Variants in ONECUT2 observed in about 807,000 individuals in gnomAD.
The protein encoded by ONECUT2 is one cut domain family member 2.
A neutral mutation model predicts 27.9 loss-of-function variants in ONECUT2; 10 were observed. The ratio of observed to expected loss-of-function variants is 0.36; its 90% CI spans 0.22 to 0.61. ONECUT2 has a LOEUF of 0.61. ONECUT2 is among the 20% of genes least tolerant of loss of function. The pLI, the probability that ONECUT2 is intolerant of heterozygous loss-of-function variation, is 0.73. For missense variants in ONECUT2, 686 were observed against 721.0 expected (o/e 0.95, Z 0.56); for synonymous variants, 334 against 315.1 (o/e 1.06, Z -0.64).
At chr18:57,474,094 G>GA (rs1352564194) in intron 1 of ONECUT2, among the ~76,000 whole-genome samples, 1 of 152,128 alleles carries the variant, frequency 6.6e-6, no homozygotes, top group Non-Finnish European at 1.5e-5. Context: ...TAATTTTGAA[G>GA]ACAATATGAA....
Position 57,435,681 on chromosome 18 carries a change from C to T in ONECUT2, c.-36C>T, listed in dbSNP as rs768705645. On this transcript the variant is annotated 5_prime_UTR_variant, in exon 1 of 2. Coordinates refer to ENST00000491143, the MANE Select transcript of ONECUT2 (RefSeq NM_004852.3). ...GCCTTGCCCGCCCGCCGGCCGCCCCCGCCGCCCCCGCCGCCCCCGGGCCCT... is the reference window on the plus strand; with the variant it reads ...GCCTTGCCCGCCCGCCGGCCGCCCCTGCCGCCCCCGCCGCCCCCGGGCCCT... 3 of 1,022,928 alleles carry T rather than the reference C, an allele frequency of 2.9e-6. No homozygotes were observed. Among genetic ancestry groups the T allele is most frequent in the Non-Finnish European group, 3.6e-6 (3 of 838,398 alleles). The allele number at this position is 1,022,928 out of a possible 1,614,324, so 63.4% of individuals were successfully genotyped here.
chr18:57,476,316 G>A (rs2050381368), intron 1 of ONECUT2, 121 bp from the exon 2 acceptor site: 6 of 992,238 alleles, frequency 6.0e-6, no homozygotes, highest in Non-Finnish European at 8.8e-6. Flanking sequence ...TGACAGCTGG[G>A]CAGTTTGCAC....
chr18:57,443,154 A>C (rs55949795), intron 1 of ONECUT2, among the ~76,000 whole-genome samples: 2 of 152,252 alleles, frequency 1.3e-5, no homozygotes, highest in South Asian at 2.1e-4. Flanking sequence ...GGTATCATGG[A>C]GGGGGATCCC....
intron 1 of ONECUT2, among the ~76,000 whole-genome samples, chr18:57,456,855 A>G (rs34880950): frequency 0.044 from 6,746 of 152,304 alleles, 580 homozygotes; most frequent in East Asian, 0.36. Flanking sequence ...ATGTACCTGC[A>G]GTCCCAGCTA....
Position 57,476,419 on chromosome 18 carries a change from CTTCTCT to C in ONECUT2, c.1229-14_1229-9del. On this transcript the variant is annotated splice_polypyrimidine_tract_variant and intron_variant, in intron 1 of 1. Transcript: ENST00000491143. ...GGTGAGCCCACTGACTCCTCTCCTT[CTTCTCT>C]TTCCCTTCAAGCGTGCAAACGCAAA... 6.2e-7 allele frequency: 1 copy of C among 1,610,592 alleles called. No homozygotes were observed. Among genetic ancestry groups the C allele is most frequent in the Middle Eastern group, 1.7e-4 (1 of 6,052 alleles).
intron 1 of ONECUT2, among the ~76,000 whole-genome samples, chr18:57,466,086 A>AGTTTT (rs927372292): frequency 6.6e-5 from 10 of 151,980 alleles, no homozygotes; most frequent in African/African-American, 2.2e-4. Flanking sequence ...TCCACCCTGC[A>AGTTTT]GTTTTGTTTT....
chr18:57,485,922 G>C lies in ONECUT2; in HGVS notation c.*9199G>C, dbSNP rs1343967080. On this transcript the variant is annotated 3_prime_UTR_variant, in exon 2 of 2. Transcript: ENST00000491143. The stretch of plus-strand genomic sequence containing the variant: ...ACCTGTAAGGCCTTCCTTCCAAAGA[G>C]TACATTGCTTTGGTTTTCTTCCTAA... The C allele has an allele frequency of 6.6e-6, 1 of 152,282 alleles. No individual in the cohort carries two copies. The highest frequency in any genetic ancestry group is 1.5e-5 in the Non-Finnish European group (1 of 68,038). 9.4% of individuals were successfully genotyped at this position (152,282 alleles called of 1,614,324 possible).
At chr18:57,443,375 T>G (rs1181735290) in intron 1 of ONECUT2, among the ~76,000 whole-genome samples, 1 of 152,208 alleles carries the variant, frequency 6.6e-6, no homozygotes, top group Non-Finnish European at 1.5e-5. Context: ...ACCTTTGTTT[T>G]TGCTGACTTG....
intron 1 of ONECUT2, among the ~76,000 whole-genome samples, chr18:57,458,941 G>T (rs914769777): frequency 3.3e-5 from 5 of 152,094 alleles, no homozygotes; most frequent in Non-Finnish European, 7.4e-5. Context: ...TTTTGTGGTT[G>T]CTTTATTTTG....
At position 57,436,692 on chromosome 18, in the gene ONECUT2, A is replaced by C. The variant is rs2050144895; in HGVS notation, c.976A>C (p.Thr326Pro). ...PSSSSGSQVATSGQLEEINTK... is the reference protein window; with the variant it reads ...PSSSSGSQVAPSGQLEEINTK... ...GTCCTCATCGGGCTCGCAGGTGGCC[A>C]CGTCGGGCCAGCTGGAAGAAATCAA... The change falls in exon 1 of 2, where the codon ACG becomes CCG. Residue 326 changes from threonine (T) to proline (P), a missense_variant. Transcript: ENST00000491143. The surrounding 1 kb of genome is among the most constrained non-coding windows in gnomAD (Gnocchi z 5.9). 1 of 1,613,322 alleles carries C rather than the reference A, an allele frequency of 6.2e-7. No individual in the cohort carries two copies. The highest frequency in any genetic ancestry group is 1.7e-5 in the Admixed American group (1 of 60,002).
chr18:57,435,904 C>T lies in ONECUT2; in HGVS notation c.188C>T (p.Ala63Val). 1.8e-6 allele frequency: 2 copies of T among 1,126,902 alleles called. No individual in the cohort carries two copies. The highest frequency in any genetic ancestry group is 1.1e-6 in the Non-Finnish European group (1 of 922,512). The allele number at this position is 1,126,902 out of a possible 1,614,324, so 69.8% of individuals were successfully genotyped here. A position where few individuals can be genotyped will look rare whatever the true frequency, so the allele number is the denominator to read the frequency against. The change falls in exon 1 of 2, where the codon GCC (alanine) becomes GTC (valine). Residue 63 changes from alanine to valine, a missense_variant. Physicochemically the swap from Ala to Val is moderately conservative, Grantham distance 64. Coordinates refer to ENST00000491143, the MANE Select transcript of ONECUT2 (RefSeq NM_004852.3). ...CCGGGCCATGAGCAGGAGCTGCTGG[C>T]CAGCCCCAGCCCCCACCACGCGGGC... is the stretch of plus-strand genomic sequence containing the variant. ...GGPGHEQELLASPSPHHAGRG... is the reference protein window; with the variant it reads ...GGPGHEQELLVSPSPHHAGRG...
chr18:57,488,128 T>C lies in ONECUT2; in HGVS notation c.*11405T>C, dbSNP rs1370421868. On this transcript the variant is annotated 3_prime_UTR_variant, in exon 2 of 2. Coordinates refer to ENST00000491143, the MANE Select transcript of ONECUT2 (RefSeq NM_004852.3). ...CGTGAATAATAAAAAGCAACATATT[T>C]TTATTTGGCCTTATAAATTAGGTTG... 6.6e-6 allele frequency: 1 copy of C among 152,660 alleles called. No homozygotes were observed. Among genetic ancestry groups the C allele is most frequent in the African/African-American group, 2.4e-5 (1 of 41,456 alleles). The allele number at this position is 152,660 out of a possible 1,614,324, so 9.5% of individuals were successfully genotyped here.
At chr18:57,457,810 A>G (rs1403599700) in intron 1 of ONECUT2, among the ~76,000 whole-genome samples, 1 of 152,236 alleles carries the variant, frequency 6.6e-6, no homozygotes, top group African/African-American at 2.4e-5. Flanking sequence ...GGATGAGTTC[A>G]TGTCCTTTGC....
Position 57,436,026 on chromosome 18 carries a change from T to G in ONECUT2, c.310T>G (p.Ser104Ala), listed in dbSNP as rs2050138045. The change falls in exon 1 of 2, where the codon TCG (serine) becomes GCG (alanine). Residue 104 changes from serine to alanine, a missense_variant. Physicochemically the swap from Ser to Ala is moderately conservative, Grantham distance 99 (BLOSUM62 1). Transcript: ENST00000491143. This position sits in a 1 kb window ranked among gnomAD's most constrained non-coding sequence, Gnocchi z 5.9. Reference protein sequence around the residue: ...AAAAAAAASRSAMVTSMASIL... With the variant: ...AAAAAAAASRAAMVTSMASIL... ...AGCGGCGGCAGCGGCGGCGTCGCGC[T>G]CGGCCATGGTCACCAGCATGGCCTC... 6.5e-7 allele frequency: 1 copy of G among 1,549,066 alleles called. No homozygotes were observed. Among genetic ancestry groups the G allele is most frequent in the Non-Finnish European group, 8.7e-7 (1 of 1,153,256 alleles).
intron 1 of ONECUT2, among the ~76,000 whole-genome samples, chr18:57,458,481 A>G (rs1240986171): frequency 6.6e-6 from 1 of 152,254 alleles, no homozygotes; most frequent in Admixed American, 6.5e-5. Context: ...ATCACACTGC[A>G]TGCATCATTC....
chr18:57,490,598 G>A lies in ONECUT2; in HGVS notation c.*13875G>A, dbSNP rs2050460819. 1 of 152,130 alleles carries A rather than the reference G, an allele frequency of 6.6e-6. No individual in the cohort carries two copies. The allele number at this position is 152,130 out of a possible 1,614,324, so 9.4% of individuals were successfully genotyped here. A position where few individuals can be genotyped will look rare whatever the true frequency, so the allele number is the denominator to read the frequency against. Reference sequence around the variant, plus strand: ...AGCCTCCGTTGACCATATGCTCAAAGACCGTACTCTGCCACCTGCCTTCCA... The same window carrying A: ...AGCCTCCGTTGACCATATGCTCAAAAACCGTACTCTGCCACCTGCCTTCCA... On this transcript the variant is annotated 3_prime_UTR_variant, in exon 2 of 2. Coordinates refer to ENST00000491143, the MANE Select transcript of ONECUT2 (RefSeq NM_004852.3).
At chr18:57,466,597 T>A (rs1485450341) in intron 1 of ONECUT2, among the ~76,000 whole-genome samples, 1 of 152,204 alleles carries the variant, frequency 6.6e-6, no homozygotes, top group Non-Finnish European at 1.5e-5. Flanking sequence ...GCAGAAGAGA[T>A]GACTGGGAAT....
rs11875666 is a variant in ONECUT2 at position 57,480,649 on chromosome 18, C to T, written c.*3926C>T. 274 of 151,036 alleles carry T rather than the reference C, an allele frequency of 1.8e-3. 6 individuals are homozygous for T. The highest frequency in any genetic ancestry group is 6.4e-3 in the African/African-American group (264 of 41,070). 9.4% of individuals were successfully genotyped at this position (151,036 alleles called of 1,614,324 possible). ...TGTCTCATTCCAGATAATGTCATACCAGAGAAAAGTGCTTGCTTTTAGAAA... is the reference window on the plus strand; with the variant it reads ...TGTCTCATTCCAGATAATGTCATACTAGAGAAAAGTGCTTGCTTTTAGAAA... On this transcript the variant is annotated 3_prime_UTR_variant, in exon 2 of 2. Coordinates refer to ENST00000491143, the MANE Select transcript of ONECUT2 (RefSeq NM_004852.3).
At chr18:57,469,758 G>A (rs566914716) in intron 1 of ONECUT2, among the ~76,000 whole-genome samples, 1 of 152,172 alleles carries the variant, frequency 6.6e-6, no homozygotes, top group Non-Finnish European at 1.5e-5. Flanking sequence ...CTTTCTCTAA[G>A]GAAGGAAGAA....
Sources: allele counts gnomAD v4.1 joint callset (sites outside exome capture counted in the v4.1 genomes callset), GRCh38; gene constraint gnomAD v4.1.1; non-coding constraint Gnocchi (gnomAD v3.1); transcripts MANE v1.5; gene names NCBI Gene and HGNC (gene_info 2026-07-23, HGNC 2026-07-21).